The following ZFHX3 variants were observed in gnomAD, a reference collection of about 807,000 sequenced individuals.
The protein encoded by ZFHX3 is zinc finger homeobox protein 3.
A neutral mutation model predicts 279.1 loss-of-function variants in ZFHX3; 42 were observed. The observed-to-expected ratio is 0.15, with a 90% confidence interval of 0.12 to 0.19. The LOEUF is 0.19. Ranked by LOEUF, ZFHX3 falls within the 10% of genes least tolerant of loss-of-function variation. The pLI is 1.00. For missense variants in ZFHX3, 4,981 were observed against 4,754.0 expected (o/e 1.05, Z -1.40); for synonymous variants, 2,293 against 1,957.8 (o/e 1.17, Z -4.52).
chr16:73,065,292 G>A (rs1016849740), intron 8 of ZFHX3, among the ~76,000 whole-genome samples: 7 of 152,156 alleles, frequency 4.6e-5, no homozygotes. Flanking sequence ...ATGCGCGGCT[G>A]AACAATCCCC....
chr16:73,433,499 T>C (rs1048048293), intron 3 of ZFHX3, among the ~76,000 whole-genome samples: 5 of 152,122 alleles, frequency 3.3e-5, no homozygotes, highest in East Asian at 3.9e-4. Context: ...ACAAGGACTA[T>C]CGTTTATAAG....
Position 73,080,736 on chromosome 16 carries a change from G to A in ZFHX3, c.-533+12499C>T, listed in dbSNP as rs1218052197. Among the ~76,000 whole-genome samples the A allele has an allele frequency of 4.6e-5, 7 of 152,138 alleles. No homozygotes were observed. In the East Asian group the frequency reaches 1.4e-3, roughly 29 times the overall value. The stretch of plus-strand genomic sequence containing the variant: ...TTATCGGCATACACCACCATGCCTG[G>A]CTAATTTTTAAAAACATTATTTTGT... On this transcript the variant is annotated intron_variant, in intron 8 of 17. Transcript: ENST00000641206.
chr16:73,046,476 G>A lies in ZFHX3; in HGVS notation c.-50+1276C>T, dbSNP rs373039017. 1.1e-4 allele frequency among the ~76,000 whole-genome samples: 16 copies of A among 152,096 alleles called. 1 individual carries two copies. The South Asian group carries it at 3.1e-3, about 30-fold the overall frequency. ...GTGTCCTCCTCCAGCCCAGCCTCCTGGAACTCGTGATTTTCAGGGTTTCCC... is the reference window on the plus strand; with the variant it reads ...GTGTCCTCCTCCAGCCCAGCCTCCTAGAACTCGTGATTTTCAGGGTTTCCC... On this transcript the variant is annotated intron_variant, in intron 1 of 9. Transcript: ENST00000268489.
intron 1 of ZFHX3, among the ~76,000 whole-genome samples, chr16:73,874,706 G>A (rs926767068): frequency 6.6e-6 from 1 of 152,022 alleles, no homozygotes. Flanking sequence ...CACCACCCAC[G>A]TTTAAAAAAT....
chr16:73,111,337 A>G (rs1966370922), intron 7 of ZFHX3, among the ~76,000 whole-genome samples: 1 of 152,208 alleles, frequency 6.6e-6, no homozygotes, highest in South Asian at 2.1e-4. Flanking sequence ...AAATAAATAA[A>G]CACACTAATG....
chr16:73,557,689 C>T (rs1001246088), intron 2 of ZFHX3, among the ~76,000 whole-genome samples: 4 of 152,066 alleles, frequency 2.6e-5, no homozygotes, highest in African/African-American at 9.7e-5. Flanking sequence ...GGGTTTTGGC[C>T]GGCTTCTTTA....
At chr16:72,814,745 G>C (rs551161977) in intron 5 of ZFHX3, among the ~76,000 whole-genome samples, 3 of 151,864 alleles carry the variant, frequency 2.0e-5, no homozygotes, top group African/African-American at 7.2e-5. Context: ...TTTCTTCCCA[G>C]TGATACAACA....
Position 73,224,430 on chromosome 16 carries a change from G to A in ZFHX3, c.-1104+32617C>T, listed in dbSNP as rs560448882. 4.6e-5 allele frequency among the ~76,000 whole-genome samples: 7 copies of A among 152,304 alleles called. No homozygotes were observed. In the South Asian group the frequency reaches 1.2e-3, roughly 27 times the overall value. Reference sequence around the variant, plus strand: ...TTGTTCAAACCAGCTACCATATTATGTGGTTATATTTCTTTGCTTGACATG... The same window carrying A: ...TTGTTCAAACCAGCTACCATATTATATGGTTATATTTCTTTGCTTGACATG... On this transcript the variant is annotated intron_variant, in intron 5 of 17. Coordinates refer to the ZFHX3 transcript ENST00000641206.
intron 8 of ZFHX3, among the ~76,000 whole-genome samples, chr16:73,079,398 G>A: frequency 6.6e-6 from 1 of 152,076 alleles, no homozygotes; most frequent in Non-Finnish European, 1.5e-5. Flanking sequence ...GGTGGCACAT[G>A]CCTGTAATCC....
At chr16:73,111,756 G>C (rs909118075) in intron 7 of ZFHX3, among the ~76,000 whole-genome samples, 1 of 151,708 alleles carries the variant, frequency 6.6e-6, no homozygotes. Context: ...GGAAGGAAGG[G>C]AGGAAGGGAA....
intron 3 of ZFHX3, among the ~76,000 whole-genome samples, chr16:73,340,940 A>G (rs1354352440): frequency 2.0e-5 from 3 of 152,208 alleles, no homozygotes; most frequent in Admixed American, 6.5e-5. Flanking sequence ...AAATTGCATG[A>G]AAAAAACATC....
At chr16:73,097,231 ATTTTTTT>A (rs376018253) in intron 7 of ZFHX3, among the ~76,000 whole-genome samples, 1 of 126,722 alleles carries the variant, frequency 7.9e-6, no homozygotes, top group Admixed American at 8.5e-5. Flanking sequence ...GCTAATTTTA[ATTTTTTT>A]TTTTTTTTTT....
intron 2 of ZFHX3, among the ~76,000 whole-genome samples, chr16:72,953,205 C>T (rs112452725): frequency 3.1e-4 from 47 of 151,850 alleles, no homozygotes; most frequent in South Asian, 1.9e-3. Context: ...AGGAAGCTTT[C>T]GGCTTGTTGT....
chr16:73,157,680 G>A (rs1358989306), intron 5 of ZFHX3, among the ~76,000 whole-genome samples: 1 of 152,032 alleles, frequency 6.6e-6, no homozygotes, highest in Non-Finnish European at 1.5e-5. Flanking sequence ...TTGTAATTTT[G>A]AATGCTTAAA....
At chr16:73,275,671 G>T (rs2014277010) in intron 4 of ZFHX3, among the ~76,000 whole-genome samples, 1 of 152,186 alleles carries the variant, frequency 6.6e-6, no homozygotes, top group Non-Finnish European at 1.5e-5. Context: ...CGTCTATTGA[G>T]TGTGCCATAG....
intron 2 of ZFHX3, chr16:73,543,988 G>C (rs1324792103): frequency 1.3e-5 from 2 of 152,194 alleles, no homozygotes; most frequent in African/African-American, 4.8e-5. Context: ...CGAAAAAGGA[G>C]GGTCCCCGAC....
chr16:73,010,649 G>A (rs1455965929), intron 1 of ZFHX3, among the ~76,000 whole-genome samples: 3 of 152,020 alleles, frequency 2.0e-5, no homozygotes, highest in East Asian at 1.9e-4. Context: ...TAAAAGGACC[G>A]AGCTGGCAGC....
At chr16:73,281,508 C>T (rs1025792115) in intron 4 of ZFHX3, among the ~76,000 whole-genome samples, 1 of 152,168 alleles carries the variant, frequency 6.6e-6, no homozygotes, top group African/African-American at 2.4e-5. Context: ...AGAGTTGCAG[C>T]CTAGTGCCTA....
intron 3 of ZFHX3, among the ~76,000 whole-genome samples, chr16:73,371,747 C>T (rs2016635450): frequency 6.6e-6 from 1 of 152,210 alleles, no homozygotes; most frequent in East Asian, 1.9e-4. Flanking sequence ...AGCCCATTTT[C>T]CATACCTCGC....
Sources: allele counts gnomAD v4.1 joint callset (sites outside exome capture counted in the v4.1 genomes callset), GRCh38; gene constraint gnomAD v4.1.1; transcripts MANE v1.5; gene names NCBI Gene and HGNC (gene_info 2026-07-23, HGNC 2026-07-21).